Variants in IPO7 observed in about 807,000 individuals in gnomAD.
The protein encoded by IPO7 is importin 7, also known as importin-7.
IPO7 carries 13 observed loss-of-function variants against 136.4 expected under a neutral mutation model. The ratio of observed to expected loss-of-function variants is 0.10; its 90% confidence interval spans 0.06 to 0.15. The LOEUF is 0.15. Among genes scored for constraint, IPO7 ranks in the 10% least tolerant of loss-of-function variants. IPO7 has a pLI of 1.00. For synonymous variants in IPO7, 403 were observed against 404.4 expected, an observed-to-expected ratio of 1.00 and a Z score of 0.04; for missense variants, 857 against 1,240.6, an observed-to-expected ratio of 0.69 and a Z score of 4.65.
At chr11:9,404,563 A>ATTTTTT (rs545909983) in intron 2 of IPO7, among the ~76,000 whole-genome samples, 1 of 114,624 alleles carries the variant, frequency 8.7e-6, no homozygotes, top group Non-Finnish European at 1.8e-5. Context: ...CGGTCTTCGG[A>ATTTTTT]TTTTTTTTTT....
chr11:9,418,051 AT>A (rs1855067090), intron 6 of IPO7, among the ~76,000 whole-genome samples: 1 of 149,848 alleles, frequency 6.7e-6, no homozygotes, highest in African/African-American at 2.5e-5. Context: ...GAATTTACAG[AT>A]TACTGAATAC....
chr11:9,428,623 A>G lies in IPO7; in HGVS notation c.1419A>G (p.Arg473=). ...PLFSSELGYM[R]ARACWVLHYF... is the part of the protein sequence containing the mutation. ...TCAGCAGTGAACTAGGCTACATGAG[A>G]GCAAGGGTATGTTTTAAAGCTGCAT... The change falls in exon 13 of 25, where the codon AGA becomes AGG. Residue 473 remains arginine (R), a synonymous_variant. Transcript: ENST00000379719. 6.5e-7 allele frequency: 1 copy of G among 1,536,302 alleles called. No homozygotes were observed. Among genetic ancestry groups the G allele is most frequent in the South Asian group, 1.1e-5 (1 of 89,016 alleles).
At chr11:9,405,303 T>A (rs1378570543) in intron 2 of IPO7, among the ~76,000 whole-genome samples, 1 of 151,996 alleles carries the variant, frequency 6.6e-6, no homozygotes, top group Non-Finnish European at 1.5e-5. Context: ...GCCTCCCGAG[T>A]AGCTGGGACT....
intron 2 of IPO7, among the ~76,000 whole-genome samples, chr11:9,404,490 A>T (rs893264661): frequency 1.1e-4 from 17 of 152,116 alleles, no homozygotes; most frequent in African/African-American, 3.9e-4. Flanking sequence ...AAATAAAAAA[A>T]AATTGTTTTC....
intron 12 of IPO7, 159 bp downstream of exon 12, chr11:9,425,421 A>T: frequency 3.3e-6 from 2 of 603,546 alleles, no homozygotes; most frequent in Non-Finnish European, 5.9e-6. Context: ...AGCCTGGGCA[A>T]CATAGTGATA....
intron 2 of IPO7, among the ~76,000 whole-genome samples, chr11:9,404,660 T>G (rs1202831224): frequency 3.4e-5 from 5 of 147,954 alleles, no homozygotes; most frequent in East Asian, 2.1e-4. Flanking sequence ...CCGCCTCCCG[T>G]GTTCACGCCG....
chr11:9,387,160 A>T (rs1400039109), intron 1 of IPO7, among the ~76,000 whole-genome samples: 1 of 152,226 alleles, frequency 6.6e-6, no homozygotes, highest in Admixed American at 6.5e-5. Context: ...GAATTATTCT[A>T]TGATGTCTCT....
At position 9,446,613 on chromosome 11, in the gene IPO7, C is replaced by T. The variant is rs1855532514; in HGVS notation, c.*1419C>T. 1 of 152,052 alleles carries T rather than the reference C, an allele frequency of 6.6e-6. No homozygotes were observed. Among genetic ancestry groups the T allele is most frequent in the South Asian group, 2.1e-4 (1 of 4,822 alleles). The allele number at this position is 152,052 out of a possible 1,614,324, so 9.4% of individuals were successfully genotyped here. ...GTTATTTTTTATATACATGTATACA[C>T]AAAATATTTCAAATTGAAAGCAACA... On this transcript the variant is annotated 3_prime_UTR_variant, in exon 25 of 25. Transcript: ENST00000379719.
At chr11:9,445,005 G>A (rs1855509455) in intron 24 of IPO7, 92 bp from the exon 25 acceptor site, 6 of 801,232 alleles carry the variant, frequency 7.5e-6, no homozygotes. Context: ...CACTAATGAT[G>A]GTTAAGCTAC....
At chr11:9,386,755 A>C (rs565326132) in intron 1 of IPO7, among the ~76,000 whole-genome samples, 1 of 152,344 alleles carries the variant, frequency 6.6e-6, no homozygotes, top group South Asian at 2.1e-4. Context: ...CAAATGATCA[A>C]AATAGTATTC....
chr11:9,425,493 C>T (rs565281961), intron 12 of IPO7, among the ~76,000 whole-genome samples: 9 of 152,268 alleles, frequency 5.9e-5, no homozygotes, highest in African/African-American at 2.2e-4. Flanking sequence ...GTAATCCCAG[C>T]TATTTGGGAG....
chr11:9,404,231 C>CG, intron 2 of IPO7, among the ~76,000 whole-genome samples: 1 of 152,080 alleles, frequency 6.6e-6, no homozygotes. Context: ...TTTGGGAGGC[C>CG]AAGGCGGGGT....
chr11:9,430,818 C>T, intron 15 of IPO7, 57 bp from the exon 16 acceptor site: 5 of 1,525,400 alleles, frequency 3.3e-6, no homozygotes, highest in Non-Finnish European at 4.5e-6. Flanking sequence ...AGTCTTAGAC[C>T]AAAACATATT....
chr11:9,423,207 G>A, intron 9 of IPO7, 67 bp downstream of exon 9: 1 of 1,097,590 alleles, frequency 9.1e-7, no homozygotes, highest in Non-Finnish European at 1.3e-6. Context: ...TGCCATAAAG[G>A]TTGAAAAATT....
chr11:9,384,684 C>CG lies in IPO7; in HGVS notation c.-77dup. The CG allele has an allele frequency of 1.7e-6, 2 of 1,176,686 alleles. No homozygotes were observed. The highest frequency in any genetic ancestry group is 2.4e-6 in the Non-Finnish European group (2 of 833,694). The allele number at this position is 1,176,686 out of a possible 1,614,324, so 72.9% of individuals were successfully genotyped here. A position where few individuals can be genotyped will look rare whatever the true frequency, so the allele number is the denominator to read the frequency against. On this transcript the variant is annotated 5_prime_UTR_variant, in exon 1 of 25. Transcript: ENST00000379719. ...CGCCGGTTGCCGCTGCGGAGCGCGG[C>CG]GGGTCCATGTGCGCAGTGAGTGGCG...
rs746290347 is a variant in IPO7 at position 9,428,608 on chromosome 11, A to G, written c.1404A>G (p.Glu468=). 6.4e-7 allele frequency: 1 copy of G among 1,568,952 alleles called. No homozygotes were observed. Among genetic ancestry groups the G allele is most frequent in the Non-Finnish European group, 8.8e-7 (1 of 1,141,266 alleles). ...QNHVFPLFSS[E]LGYMRARACW... ...ATGTATTCCCTCTCTTCAGCAGTGAACTAGGCTACATGAGAGCAAGGGTAT... is the reference window on the plus strand; with the variant it reads ...ATGTATTCCCTCTCTTCAGCAGTGAGCTAGGCTACATGAGAGCAAGGGTAT... The change falls in exon 13 of 25, where the codon GAA becomes GAG. Residue 468 remains glutamate (E), a synonymous_variant. Transcript: ENST00000379719.
chr11:9,404,563 A>ATTT (rs545909983), intron 2 of IPO7, among the ~76,000 whole-genome samples: 38 of 114,614 alleles, frequency 3.3e-4, no homozygotes, highest in African/African-American at 1.2e-3. Flanking sequence ...CGGTCTTCGG[A>ATTT]TTTTTTTTTT....
chr11:9,414,312 A>G lies in IPO7; in HGVS notation c.537A>G (p.Pro179=), dbSNP rs918049204. The change falls in exon 5 of 25, where the codon CCA becomes CCG. Residue 179 remains proline (P), a synonymous_variant. Coordinates refer to ENST00000379719, the MANE Select transcript of IPO7 (RefSeq NM_006391.3). ...TAGCAGCAATGCAGCATTTTCTGCC[A>G]GTTCTAAAGGATCGTTTTATCCAGC... ...PLVAAMQHFL[P]VLKDRFIQLL... The G allele has an allele frequency of 4.3e-6, 7 of 1,613,612 alleles. No homozygotes were observed. The highest frequency in any genetic ancestry group is 3.3e-4 in the Middle Eastern group (2 of 5,980).
Position 9,423,820 on chromosome 11 carries a change from A to C in IPO7, c.1085A>C (p.Asp362Ala). ...ATTTTTCCATTGATGTGCTATACAG[A>C]TGCTGATGAGGAACTTTGGCAAGAA... ...DVIFPLMCYT[D>A]ADEELWQEDP... The change falls in exon 10 of 25, where the codon GAT (aspartate) becomes GCT (alanine). Residue 362 changes from aspartate to alanine, a missense_variant. This residue lies in a region of IPO7 where 127 missense variants were observed against 222.4 expected (regional missense o/e 0.57). Coordinates refer to ENST00000379719, the MANE Select transcript of IPO7 (RefSeq NM_006391.3). The C allele has an allele frequency of 6.2e-7, 1 of 1,610,584 alleles. No individual in the cohort carries two copies. Among genetic ancestry groups the C allele is most frequent in the South Asian group, 1.1e-5 (1 of 90,824 alleles).
Sources: allele counts gnomAD v4.1 joint callset (sites outside exome capture counted in the v4.1 genomes callset), GRCh38; gene constraint gnomAD v4.1.1; regional missense constraint gnomAD v4.1.1; transcripts MANE v1.5; gene names NCBI Gene and HGNC (gene_info 2026-07-23, HGNC 2026-07-21).